The following METTL16 variants were observed in gnomAD, a reference collection of about 807,000 sequenced individuals.
The protein encoded by METTL16 is methyltransferase 16, RNA N6-adenosine.
Under a neutral mutation model 57.9 loss-of-function variants are expected in METTL16, and 19 were observed. That is an observed-to-expected ratio of 0.33 (90% CI 0.23 to 0.48). The LOEUF (loss-of-function observed/expected upper bound fraction) is 0.48, where lower values mean the gene tolerates loss of function less well. Among genes scored for constraint, METTL16 ranks in the 20% least tolerant of loss-of-function variants. The pLI is 0.99. For synonymous variants in METTL16, 246 were observed against 255.6 expected, an observed-to-expected ratio of 0.96 and a Z score of 0.36; for missense variants, 434 against 691.5, an observed-to-expected ratio of 0.63 and a Z score of 4.18.
Position 2,416,273 on chromosome 17 carries a change from T to TC in METTL16, c.*3696dup, listed in dbSNP as rs902831481. 6.6e-6 allele frequency: 1 copy of TC among 151,996 alleles called. No individual in the cohort carries two copies. The highest frequency in any genetic ancestry group is 2.4e-5 in the African/African-American group (1 of 41,366). 9.4% of individuals were successfully genotyped at this position (151,996 alleles called of 1,614,324 possible). ...CGCGGCTTCAGCAGAAAGGAGGGGC[T>TC]CCAGGAGCTGGTCGTGAAGTCATCA... On this transcript the variant is annotated 3_prime_UTR_variant, in exon 10 of 10. Transcript: ENST00000263092.
At position 2,420,250 on chromosome 17, in the gene METTL16, T is replaced by C; in HGVS notation, c.1409A>G (p.Glu470Gly). The C allele has an allele frequency of 6.2e-7, 1 of 1,614,144 alleles. No individual in the cohort carries two copies. Among genetic ancestry groups the C allele is most frequent in the South Asian group, 1.1e-5 (1 of 91,088 alleles). ...TTCCAAAACCTCCACCCCTCCCTTT[T>C]CCTCACTCCTTTCATCCTCCGTGGG... Reference protein sequence around the residue: ...PEPTEDERSEEKGGVEVLESC... With the variant: ...PEPTEDERSEGKGGVEVLESC... The change falls in exon 10 of 10, where the codon GAA becomes GGA. Residue 470 changes from glutamate to glycine, a missense_variant. This residue lies in a region of METTL16 where 168 missense variants were observed against 149.6 expected (regional missense o/e 1.12). Transcript: ENST00000263092. The surrounding 1 kb of genome is among the most constrained non-coding windows in gnomAD (Gnocchi z 5.4).
At position 2,417,007 on chromosome 17, in the gene METTL16, T is replaced by C; in HGVS notation, c.*2963A>G. 6.8e-6 allele frequency: 1 copy of C among 147,232 alleles called. No individual in the cohort carries two copies. Among genetic ancestry groups the C allele is most frequent in the Non-Finnish European group, 1.5e-5 (1 of 67,256 alleles). The allele number at this position is 147,232 out of a possible 1,614,324, so 9.1% of individuals were successfully genotyped here. On this transcript the variant is annotated 3_prime_UTR_variant, in exon 10 of 10. Transcript: ENST00000263092. ...AGGGAAGGAAATGGAAACATCCAAA[T>C]GCACAGAAGGCACTCGGCTCCAGAC... is the stretch of plus-strand genomic sequence containing the variant.
chr17:2,468,165 A>G (rs1170455169), intron 4 of METTL16, among the ~76,000 whole-genome samples: 1 of 152,258 alleles, frequency 6.6e-6, no homozygotes, highest in African/African-American at 2.4e-5. Context: ...AGGCTACACC[A>G]TTCAGGTGTG....
At chr17:2,449,487 C>T (rs1597449850) in intron 6 of METTL16, among the ~76,000 whole-genome samples, 1 of 152,112 alleles carries the variant, frequency 6.6e-6, no homozygotes, top group South Asian at 2.1e-4. Context: ...GGATTACAGG[C>T]GTGAGCCACC....
At chr17:2,441,415 G>T in intron 7 of METTL16, 75 bp downstream of exon 7, 1 of 1,063,164 alleles carries the variant, frequency 9.4e-7, no homozygotes, top group Non-Finnish European at 1.3e-6. Flanking sequence ...ATATATCAAT[G>T]TAGCAAAACT....
At chr17:2,463,187 A>C (rs1445405842) in intron 6 of METTL16, among the ~76,000 whole-genome samples, 2 of 152,198 alleles carry the variant, frequency 1.3e-5, no homozygotes, top group Non-Finnish European at 2.9e-5. Flanking sequence ...CCAAGAACCT[A>C]AACTGCTGAA....
chr17:2,499,331 CTTTTT>C (rs1004416909), intron 2 of METTL16, among the ~76,000 whole-genome samples: 1 of 127,608 alleles, frequency 7.8e-6, no homozygotes, highest in Non-Finnish European at 1.7e-5. Flanking sequence ...AAAACTATAT[CTTTTT>C]TTTTTTTTTT....
At chr17:2,428,207 C>T (rs190303590) in intron 8 of METTL16, among the ~76,000 whole-genome samples, 36 of 152,032 alleles carry the variant, frequency 2.4e-4, no homozygotes, top group Non-Finnish European at 4.4e-4. Context: ...CCTTTAAATA[C>T]GACTTCCCAG....
At chr17:2,455,510 T>C (rs1646058720) in intron 6 of METTL16, among the ~76,000 whole-genome samples, 1 of 152,248 alleles carries the variant, frequency 6.6e-6, no homozygotes, top group Non-Finnish European at 1.5e-5. Context: ...GGAAATGCCA[T>C]GTAAGCTGAC....
chr17:2,432,270 A>C (rs1010229451), intron 8 of METTL16, among the ~76,000 whole-genome samples: 33 of 152,120 alleles, frequency 2.2e-4, no homozygotes, highest in African/African-American at 8.0e-4. Flanking sequence ...TCAATGTTAA[A>C]TTAGTTTGCA....
intron 2 of METTL16, among the ~76,000 whole-genome samples, chr17:2,491,414 A>G (rs1181129603): frequency 6.6e-6 from 1 of 152,220 alleles, no homozygotes; most frequent in Non-Finnish European, 1.5e-5. Context: ...AATAACAATC[A>G]TTCTAATCCT....
At chr17:2,426,460 A>G (rs1445209468) in intron 8 of METTL16, among the ~76,000 whole-genome samples, 1 of 152,080 alleles carries the variant, frequency 6.6e-6, no homozygotes, top group Non-Finnish European at 1.5e-5. Context: ...GCCGGGTGCC[A>G]TGGCTCACGC....
chr17:2,449,948 C>A (rs1045632624), intron 6 of METTL16, among the ~76,000 whole-genome samples: 2 of 152,190 alleles, frequency 1.3e-5, no homozygotes, highest in Admixed American at 6.5e-5. Flanking sequence ...GATACCACTA[C>A]CTACCCGTTA....
At chr17:2,447,722 G>A (rs1275186565) in intron 6 of METTL16, among the ~76,000 whole-genome samples, 6 of 142,528 alleles carry the variant, frequency 4.2e-5, no homozygotes, top group South Asian at 2.2e-4. Context: ...TCAGCCCCCC[G>A]CCCGGCCAGC....
chr17:2,433,102 T>G (rs951810374), intron 8 of METTL16, among the ~76,000 whole-genome samples: 2 of 152,140 alleles, frequency 1.3e-5, no homozygotes, highest in African/African-American at 4.8e-5. Flanking sequence ...ATCAATGCAG[T>G]TAAGTCCAGA....
intron 2 of METTL16, among the ~76,000 whole-genome samples, chr17:2,479,960 G>A (rs1010388151): frequency 2.0e-4 from 31 of 152,216 alleles, no homozygotes; most frequent in Non-Finnish European, 4.0e-4. Flanking sequence ...GCTGAGGTGG[G>A]TGGATCACCT....
intron 2 of METTL16, among the ~76,000 whole-genome samples, chr17:2,482,778 G>A (rs2067316122): frequency 6.6e-6 from 1 of 152,156 alleles, no homozygotes; most frequent in Admixed American, 6.5e-5. Context: ...GTGGAGTATG[G>A]TGGTTGTGTG....
At chr17:2,440,514 T>C (rs2066941470) in intron 7 of METTL16, among the ~76,000 whole-genome samples, 1 of 151,922 alleles carries the variant, frequency 6.6e-6, no homozygotes, top group Admixed American at 6.6e-5. Context: ...GCCAAAGTGC[T>C]GGGATTACAG....
chr17:2,419,936 A>C lies in METTL16; in HGVS notation c.*34T>G, dbSNP rs754946874. The stretch of plus-strand genomic sequence containing the variant: ...CCCACAGGCCACTCCAAAGCAAGTT[A>C]CTATCAACACGTTTCCAACTGTGCA... On this transcript the variant is annotated 3_prime_UTR_variant, in exon 10 of 10. Coordinates refer to ENST00000263092, the MANE Select transcript of METTL16 (RefSeq NM_024086.4). 2 of 1,606,644 alleles carry C rather than the reference A, an allele frequency of 1.2e-6. No homozygotes were observed. The highest frequency in any genetic ancestry group is 1.1e-5 in the South Asian group (1 of 90,176).
Sources: gnomAD v4.1 joint callset for allele counts (sites outside exome capture counted in the v4.1 genomes callset) on GRCh38, gnomAD v4.1.1 for gene constraint, gnomAD v4.1.1 regional missense constraint, Gnocchi (gnomAD v3.1) non-coding constraint, MANE v1.5 for transcripts, NCBI Gene and HGNC (gene_info 2026-07-23, HGNC 2026-07-21) for gene names.